The following RASSF3 variants were observed in gnomAD, a reference collection of about 807,000 sequenced individuals.
RASSF3 encodes the protein Ras association domain family member 3, also known as ras association domain-containing protein 3.
In RASSF3, 19 loss-of-function variants were observed where a neutral mutation model predicts 19.9. That is an observed-to-expected ratio of 0.96 (90% confidence interval 0.67 to 1.40). RASSF3 has a LOEUF of 1.40. Among genes scored for constraint, RASSF3 ranks in the 40% most tolerant of loss-of-function variants. The pLI is 0.00. For missense variants in RASSF3, 306 were observed against 289.8 expected (o/e 1.06, Z -0.41); for synonymous variants, 110 against 104.2 (o/e 1.06, Z -0.34).
intron 1 of RASSF3, among the ~76,000 whole-genome samples, chr12:64,635,144 G>A (rs1390480831): frequency 6.6e-6 from 1 of 151,840 alleles, no homozygotes; most frequent in Admixed American, 6.6e-5. Flanking sequence ...TGGAGAGATA[G>A]GGTTTTGACA....
At chr12:64,671,968 T>C (rs1872715466) in intron 1 of RASSF3, among the ~76,000 whole-genome samples, 1 of 152,192 alleles carries the variant, frequency 6.6e-6, no homozygotes, top group African/African-American at 2.4e-5. Flanking sequence ...AGAAAGTGGA[T>C]GGAATTAATG....
chr12:64,622,318 C>T (rs1870807036), intron 1 of RASSF3, among the ~76,000 whole-genome samples: 1 of 151,542 alleles, frequency 6.6e-6, no homozygotes, highest in Non-Finnish European at 1.5e-5. Flanking sequence ...CCTTGGCCTC[C>T]CAAAGTGTTG....
At chr12:64,611,988 G>A (rs999231517) in intron 1 of RASSF3, among the ~76,000 whole-genome samples, 2 of 152,148 alleles carry the variant, frequency 1.3e-5, no homozygotes, top group African/African-American at 4.8e-5. Flanking sequence ...AAGTCCCGGT[G>A]CCATAGTTGT....
intron 2 of RASSF3, among the ~76,000 whole-genome samples, chr12:64,597,131 T>C (rs1201747551): frequency 6.6e-6 from 1 of 152,014 alleles, no homozygotes; most frequent in Non-Finnish European, 1.5e-5. Flanking sequence ...CATTTTATTT[T>C]ATTTTTTAAT....
At chr12:64,516,570 G>A (rs1243069090) in intron 1 of RASSF3, among the ~76,000 whole-genome samples, 3 of 142,770 alleles carry the variant, frequency 2.1e-5, no homozygotes, top group Non-Finnish European at 4.5e-5. Context: ...AGTGAGCCGA[G>A]ATCCCGCCAC....
rs141285729 is a variant in RASSF3 at position 64,623,418 on chromosome 12, C to G, written c.111+12675C>G. On this transcript the variant is annotated intron_variant, in intron 1 of 4. Coordinates refer to ENST00000542104, the MANE Select transcript of RASSF3 (RefSeq NM_178169.4). ...TATCCGTTTAGGCCTTAAGCAGATGCAGGTTTCATGACATGCCAGAGGTAA... is the reference window on the plus strand; with the variant it reads ...TATCCGTTTAGGCCTTAAGCAGATGGAGGTTTCATGACATGCCAGAGGTAA... Among the ~76,000 whole-genome samples, 391 of 152,300 alleles carry G rather than the reference C, an allele frequency of 2.6e-3. 2 individuals are homozygous for G. The Middle Eastern group carries it at 0.027, about 11-fold the overall frequency.
chr12:64,618,866 G>A (rs1870642959), intron 1 of RASSF3, among the ~76,000 whole-genome samples: 8 of 151,886 alleles, frequency 5.3e-5, no homozygotes, highest in Admixed American at 5.2e-4. Context: ...TGAGATTGCT[G>A]TGAAAAATAC....
chr12:64,658,979 A>G (rs960652445), intron 1 of RASSF3, among the ~76,000 whole-genome samples: 3 of 152,196 alleles, frequency 2.0e-5, no homozygotes, highest in Non-Finnish European at 4.4e-5. Flanking sequence ...CAGAGGCAGG[A>G]GGATATCTTG....
chr12:64,638,866 A>G (rs920289052), intron 1 of RASSF3, among the ~76,000 whole-genome samples: 4 of 152,194 alleles, frequency 2.6e-5, no homozygotes, highest in Non-Finnish European at 5.9e-5. Flanking sequence ...GCTGCTGAAC[A>G]CGCCATAGTG....
At chr12:64,551,201 G>A (rs1312684643) in intron 2 of RASSF3, among the ~76,000 whole-genome samples, 4 of 152,154 alleles carry the variant, frequency 2.6e-5, no homozygotes. Flanking sequence ...GACGGTCAAG[G>A]TATACAGCCG....
At chr12:64,582,302 G>A (rs1364754268) in intron 2 of RASSF3, among the ~76,000 whole-genome samples, 4 of 152,144 alleles carry the variant, frequency 2.6e-5, no homozygotes, top group African/African-American at 4.8e-5. Flanking sequence ...TCTCTGAAAT[G>A]TGCCAAGTTT....
chr12:64,667,474 G>T (rs1308495956), intron 1 of RASSF3, among the ~76,000 whole-genome samples: 1 of 152,154 alleles, frequency 6.6e-6, no homozygotes, highest in African/African-American at 2.4e-5. Context: ...TTACAGGTGT[G>T]AGCCACTGCG....
At chr12:64,643,584 C>G (rs1871623642) in intron 1 of RASSF3, among the ~76,000 whole-genome samples, 2 of 151,370 alleles carry the variant, frequency 1.3e-5, no homozygotes, top group African/African-American at 4.9e-5. Context: ...AAAAATAAAC[C>G]AAAAACCCCA....
At chr12:64,602,253 A>G (rs954833512) in intron 2 of RASSF3, among the ~76,000 whole-genome samples, 1 of 151,404 alleles carries the variant, frequency 6.6e-6, no homozygotes, top group African/African-American at 2.4e-5. Context: ...CCTGGGAAAC[A>G]TAGTGAGACC....
chr12:64,559,246 C>CTTTTTTTTT (rs56100965), intron 2 of RASSF3, among the ~76,000 whole-genome samples: 1 of 140,788 alleles, frequency 7.1e-6, no homozygotes, highest in Non-Finnish European at 1.6e-5. Context: ...TTCTTTTTTT[C>CTTTTTTTTT]TTTTTTTTTT....
intron 1 of RASSF3, among the ~76,000 whole-genome samples, chr12:64,649,386 G>T (rs1340798363): frequency 1.3e-5 from 2 of 151,966 alleles, no homozygotes; most frequent in African/African-American, 2.4e-5. Context: ...TAGAGACAGG[G>T]TTTCACCGTG....
chr12:64,600,449 C>G (rs1870073569), intron 2 of RASSF3, among the ~76,000 whole-genome samples: 1 of 152,186 alleles, frequency 6.6e-6, no homozygotes, highest in African/African-American at 2.4e-5. Flanking sequence ...TGTGTGTTTA[C>G]TCGGTAAATT....
chr12:64,542,049 A>G (rs1868942505), downstream of RASSF3, among the ~76,000 whole-genome samples: 1 of 152,048 alleles, frequency 6.6e-6, no homozygotes, highest in South Asian at 2.1e-4. Flanking sequence ...TGAACTGTAA[A>G]TGTGTGTTGA....
intron 1 of RASSF3, among the ~76,000 whole-genome samples, chr12:64,527,753 G>A (rs766998712): frequency 1.3e-4 from 20 of 151,250 alleles, no homozygotes; most frequent in Middle Eastern, 3.4e-3. Flanking sequence ...TGGCCAACAT[G>A]GTGAAATCCC....
Sources: gnomAD v4.1 joint callset for allele counts (sites outside exome capture counted in the v4.1 genomes callset) on GRCh38, gnomAD v4.1.1 for gene constraint, MANE v1.5 for transcripts, NCBI Gene and HGNC (gene_info 2026-07-23, HGNC 2026-07-21) for gene names.